Variants in RAB3GAP1 observed in about 807,000 individuals in gnomAD.
The protein encoded by RAB3GAP1 is RAB3 GTPase activating protein catalytic subunit 1.
In RAB3GAP1, 86 loss-of-function variants were observed where a neutral mutation model predicts 130.7. That is an observed-to-expected ratio of 0.66 (90% CI 0.55 to 0.79). RAB3GAP1 has a LOEUF of 0.79. Among genes scored for constraint, RAB3GAP1 ranks in the 30% least tolerant of loss-of-function variants. The probability of loss-of-function intolerance (pLI) is 0.00; values close to 1 mark genes in which losing one functional copy is unlikely to be tolerated. For missense variants in RAB3GAP1, 1,029 were observed against 1,169.4 expected (o/e 0.88, Z 1.75); for synonymous variants, 367 against 401.7 (o/e 0.91, Z 1.03).
chr2:135,132,588 G>C (rs1014494615), intron 13 of RAB3GAP1, among the ~76,000 whole-genome samples: 2 of 152,046 alleles, frequency 1.3e-5, no homozygotes, highest in African/African-American at 4.8e-5. Flanking sequence ...TAATGGCCTT[G>C]GGTGAGCATG....
intron 7 of RAB3GAP1, among the ~76,000 whole-genome samples, chr2:135,120,174 A>G (rs952718265): frequency 1.3e-5 from 2 of 152,178 alleles, no homozygotes; most frequent in African/African-American, 4.8e-5. Context: ...TTTTTTTCAC[A>G]TTTAATATGT....
rs747360968 is a variant in RAB3GAP1 at position 135,058,062 on chromosome 2, C to G, written c.126C>G (p.Asn42Lys). Residue 42 changes from asparagine (N) to lysine (K), a missense_variant, in exon 3 of 24, where the codon AAC (asparagine) becomes AAG (lysine). Asn to Lys is a moderately conservative substitution (Grantham distance 94). This residue lies in a region of RAB3GAP1 where 510 missense variants were observed against 532.1 expected (regional missense o/e 0.96). Coordinates refer to ENST00000264158, the MANE Select transcript of RAB3GAP1 (RefSeq NM_012233.3). Reference protein sequence around the residue: ...EVLNDWKLIGNSLGKPLEKGI... With the variant: ...EVLNDWKLIGKSLGKPLEKGI... ...TGAATGACTGGAAACTGATTGGAAA[C>G]TCTTTGGGAAAGCCACTCGAAAAGG... is the stretch of plus-strand genomic sequence containing the variant. 2 of 1,612,804 alleles carry G rather than the reference C, an allele frequency of 1.2e-6. No homozygotes were observed. The highest frequency in any genetic ancestry group is 4.5e-5 in the East Asian group (2 of 44,776).
chr2:135,068,770 A>C (rs972877166), intron 3 of RAB3GAP1, among the ~76,000 whole-genome samples: 3 of 152,164 alleles, frequency 2.0e-5, no homozygotes, highest in African/African-American at 7.2e-5. Context: ...AAAACAAAAC[A>C]AAACAATCCA....
intron 6 of RAB3GAP1, among the ~76,000 whole-genome samples, chr2:135,114,008 C>T (rs868197774): frequency 1.3e-5 from 2 of 152,158 alleles, no homozygotes; most frequent in Non-Finnish European, 2.9e-5. Flanking sequence ...CCGCGGCCTT[C>T]CAGAATGCTA....
At chr2:135,124,947 T>C (rs1691310780) in intron 9 of RAB3GAP1, among the ~76,000 whole-genome samples, 1 of 152,202 alleles carries the variant, frequency 6.6e-6, no homozygotes, top group South Asian at 2.1e-4. Context: ...ATTTATAACA[T>C]TTTTCAAACT....
intron 3 of RAB3GAP1, among the ~76,000 whole-genome samples, chr2:135,066,125 T>C: frequency 6.6e-6 from 1 of 152,136 alleles, no homozygotes; most frequent in Non-Finnish European, 1.5e-5. Flanking sequence ...TGAGAATTGC[T>C]CTTAGACAAA....
intron 7 of RAB3GAP1, among the ~76,000 whole-genome samples, chr2:135,117,132 T>G (rs948071491): frequency 1.3e-5 from 2 of 152,164 alleles, no homozygotes; most frequent in African/African-American, 4.8e-5. Flanking sequence ...TGACAACTGT[T>G]AGCAGTGGCT....
At chr2:135,061,003 C>CTTT (rs369829961) in intron 3 of RAB3GAP1, among the ~76,000 whole-genome samples, 4 of 131,070 alleles carry the variant, frequency 3.1e-5, no homozygotes, top group Non-Finnish European at 4.9e-5. Flanking sequence ...TGGGCCCAGC[C>CTTT]TTTTTTTTTT....
intron 3 of RAB3GAP1, among the ~76,000 whole-genome samples, chr2:135,069,410 C>CT (rs1016040555): frequency 1.3e-5 from 2 of 151,790 alleles, no homozygotes; most frequent in African/African-American, 4.8e-5. Context: ...ATTTTCTGTA[C>CT]TTTTTTTTCT....
intron 17 of RAB3GAP1, among the ~76,000 whole-genome samples, chr2:135,140,125 A>G (rs555647492): frequency 6.6e-6 from 1 of 152,206 alleles, no homozygotes; most frequent in East Asian, 1.9e-4. Flanking sequence ...ATTTGTCACA[A>G]TTTGTTTATC....
Position 135,136,105 on chromosome 2 carries a change from C to A in RAB3GAP1, c.1923+173C>A, listed in dbSNP as rs576750052. Among the ~76,000 whole-genome samples, 138 of 152,330 alleles carry A rather than the reference C, an allele frequency of 9.1e-4. 1 individual carries two copies. The highest frequency in any genetic ancestry group is 3.0e-3 in the African/African-American group (124 of 41,574). ...CTTTGGGAGGCTGAGGTGGGCAGAT[C>A]ACCTGAGGTCAGGAGTTCAAGATAA... On this transcript the variant is annotated intron_variant, in intron 17 of 23. Coordinates refer to ENST00000264158, the MANE Select transcript of RAB3GAP1 (RefSeq NM_012233.3).
chr2:135,126,707 C>G, intron 11 of RAB3GAP1, 51 bp downstream of exon 11: 1 of 1,450,830 alleles, frequency 6.9e-7, no homozygotes. Context: ...TGCCTAACTT[C>G]CAAATCGGAG....
At chr2:135,076,322 C>T (rs1689634245) in intron 3 of RAB3GAP1, among the ~76,000 whole-genome samples, 1 of 152,156 alleles carries the variant, frequency 6.6e-6, no homozygotes, top group African/African-American at 2.4e-5. Flanking sequence ...TATACTTTTT[C>T]CACATATGGT....
At chr2:135,122,125 T>C (rs1167571804) in intron 8 of RAB3GAP1, among the ~76,000 whole-genome samples, 1 of 152,058 alleles carries the variant, frequency 6.6e-6, no homozygotes, top group African/African-American at 2.4e-5. Context: ...ATGTAATATA[T>C]CCTTAGCTTT....
At chr2:135,107,977 A>G (rs1343039547) in intron 5 of RAB3GAP1, among the ~76,000 whole-genome samples, 2 of 42,370 alleles carry the variant, frequency 4.7e-5, no homozygotes, top group Non-Finnish European at 6.1e-5. Context: ...CTCCATCTCA[A>G]AAAAAAAAAA....
intron 3 of RAB3GAP1, among the ~76,000 whole-genome samples, chr2:135,083,767 GTTTT>G (rs34087354): frequency 1.0e-5 from 1 of 98,288 alleles, no homozygotes; most frequent in African/African-American, 3.9e-5. Flanking sequence ...ACCCAACACG[GTTTT>G]TTTTTTTTTT....
intron 4 of RAB3GAP1, among the ~76,000 whole-genome samples, chr2:135,092,741 G>A (rs1329319087): frequency 6.6e-6 from 1 of 152,080 alleles, no homozygotes; most frequent in Non-Finnish European, 1.5e-5. Context: ...CCCAGCCAAA[G>A]GTGAATGAAT....
intron 17 of RAB3GAP1, among the ~76,000 whole-genome samples, chr2:135,138,618 T>C (rs1022108809): frequency 6.6e-6 from 1 of 152,118 alleles, no homozygotes; most frequent in African/African-American, 2.4e-5. Flanking sequence ...GGATTTTTTT[T>C]TTTTTTTGGA....
chr2:135,163,034 C>CTT lies in RAB3GAP1; in HGVS notation c.2539_2540insTT (p.Arg847LeufsTer4). 6.2e-7 allele frequency: 1 copy of CTT among 1,613,990 alleles called. No homozygotes were observed. Among genetic ancestry groups the CTT allele is most frequent in the Non-Finnish European group, 8.5e-7 (1 of 1,179,920 alleles). On this transcript the variant is annotated frameshift_variant, in exon 22 of 24. Coordinates refer to ENST00000264158, the MANE Select transcript of RAB3GAP1 (RefSeq NM_012233.3). LOFTEE classifies it high-confidence loss of function. ...TGTGGAAGCTCTCATTGCCAGAGCTCGGTCACTAAAAGCCAAGTTTGGAAC... is the reference window on the plus strand; with the variant it reads ...TGTGGAAGCTCTCATTGCCAGAGCTCTTGGTCACTAAAAGCCAAGTTTGGAAC...
Sources: allele counts gnomAD v4.1 joint callset (sites outside exome capture counted in the v4.1 genomes callset), GRCh38; gene constraint gnomAD v4.1.1; regional missense constraint gnomAD v4.1.1; transcripts MANE v1.5; gene names NCBI Gene and HGNC (gene_info 2026-07-23, HGNC 2026-07-21).